The following CAST variants were observed in gnomAD, a reference collection of about 807,000 sequenced individuals.
The protein encoded by CAST is MIR583 host.
CAST carries 76 observed loss-of-function variants against 119.6 expected under a neutral mutation model. The observed-to-expected ratio is 0.64, with a 90% CI of 0.53 to 0.77. CAST has a LOEUF of 0.77. Ranked by LOEUF, CAST falls within the 30% of genes least tolerant of loss-of-function variation. The pLI is 0.00. For synonymous variants in CAST, 319 were observed against 331.6 expected (o/e 0.96, Z 0.41); for missense variants, 953 against 946.5 (o/e 1.01, Z -0.09).
At chr5:96,076,712 C>T in the CAST span, among the ~76,000 whole-genome samples, 1 of 152,058 alleles carries the variant, frequency 6.6e-6, no homozygotes, top group Non-Finnish European at 1.5e-5. Context: ...TGGAAACAAA[C>T]AAAAGGAAAG....
the CAST span, among the ~76,000 whole-genome samples, chr5:96,372,417 A>G: frequency 9.2e-5 from 14 of 152,132 alleles, no homozygotes; most frequent in Non-Finnish European, 5.9e-5. Context: ...GGATATCATC[A>G]TGGTGGTTGC....
chr5:96,611,747 A>G (rs950958152), intron 1 of CAST, among the ~76,000 whole-genome samples: 1 of 152,108 alleles, frequency 6.6e-6, no homozygotes, highest in Non-Finnish European at 1.5e-5. Context: ...CTTAACTTAA[A>G]TCAACAAGAA....
the CAST span, among the ~76,000 whole-genome samples, chr5:96,376,198 A>C: frequency 6.6e-6 from 1 of 151,602 alleles, no homozygotes; most frequent in Non-Finnish European, 1.5e-5. Flanking sequence ...GTCCCATAAA[A>C]TTAAAATGGA....
the CAST span, among the ~76,000 whole-genome samples, chr5:96,238,366 C>CTTCTTCTTCTTCATCTT: frequency 2.3e-3 from 54 of 23,226 alleles, no homozygotes; most frequent in African/African-American, 5.3e-3. Context: ...TTCTTCTTCT[C>CTTCTTCTTCTTCATCTT]CTTCTTCTCC....
chr5:96,680,993 A>G (rs528326979), intron 2 of CAST, among the ~76,000 whole-genome samples: 41 of 152,386 alleles, frequency 2.7e-4, no homozygotes, highest in African/African-American at 8.4e-4. Flanking sequence ...TCTAGCCCCA[A>G]GAGGCCAGCA....
chr5:96,741,249 T>C lies in CAST; in HGVS notation c.919-17T>C, dbSNP rs746005546. On this transcript the variant is annotated splice_polypyrimidine_tract_variant and intron_variant, in intron 13 of 31. Coordinates refer to ENST00000675179, the MANE Select transcript of CAST (RefSeq NM_001750.7). Reference sequence around the variant, plus strand: ...GTGCTTCCCGTAAGTTACCCATCACTGTGCCTGTTTCTTTAGAAACCCATA... The same window carrying C: ...GTGCTTCCCGTAAGTTACCCATCACCGTGCCTGTTTCTTTAGAAACCCATA... The C allele has an allele frequency of 8.1e-6, 12 of 1,476,060 alleles. No homozygotes were observed. The South Asian group carries it at 1.1e-4, about 14-fold the overall frequency. The allele number at this position is 1,476,060 out of a possible 1,614,324, so 91.4% of individuals were successfully genotyped here.
At chr5:96,301,173 A>T in the CAST span, among the ~76,000 whole-genome samples, 1 of 152,196 alleles carries the variant, frequency 6.6e-6, no homozygotes, top group Non-Finnish European at 1.5e-5. Flanking sequence ...TGTCTGGAAC[A>T]GGAGGAAGAA....
At chr5:96,437,397 G>A in the CAST span, among the ~76,000 whole-genome samples, 1 of 152,106 alleles carries the variant, frequency 6.6e-6, no homozygotes, top group African/African-American at 2.4e-5. Context: ...TCTTTAACAG[G>A]TTCTTTTAAA....
the CAST span, among the ~76,000 whole-genome samples, chr5:96,255,184 C>G: frequency 3.3e-5 from 5 of 152,046 alleles, no homozygotes; most frequent in East Asian, 5.8e-4. Flanking sequence ...AGGAGAAACT[C>G]CAGCCAGGGC....
At chr5:96,564,226 C>T (rs977307466) in intron 1 of CAST, among the ~76,000 whole-genome samples, 10 of 152,124 alleles carry the variant, frequency 6.6e-5, no homozygotes, top group African/African-American at 2.2e-4. Flanking sequence ...CTTTTATGCC[C>T]GACCAACTGT....
chr5:96,670,892 T>A (rs1266213257), intron 1 of CAST, among the ~76,000 whole-genome samples: 1 of 152,244 alleles, frequency 6.6e-6, no homozygotes, highest in African/African-American at 2.4e-5. Flanking sequence ...GGTGCCCAAA[T>A]GTGGCAGAGT....
chr5:96,097,653 G>A, the CAST span, among the ~76,000 whole-genome samples: 1 of 152,028 alleles, frequency 6.6e-6, no homozygotes, highest in African/African-American at 2.4e-5. Context: ...CCTGCACAGG[G>A]CATCATCTCA....
At chr5:96,512,196 A>G in the CAST span, among the ~76,000 whole-genome samples, 6 of 152,234 alleles carry the variant, frequency 3.9e-5, no homozygotes, top group African/African-American at 1.4e-4. Context: ...GAAATTGCAC[A>G]TGTATTAGTA....
the CAST span, among the ~76,000 whole-genome samples, chr5:96,144,419 A>G: frequency 6.6e-6 from 1 of 152,060 alleles, no homozygotes; most frequent in Non-Finnish European, 1.5e-5. Context: ...CTCTTCCCAG[A>G]CCTGACTTGC....
At chr5:96,138,053 T>A in the CAST span, among the ~76,000 whole-genome samples, 4 of 152,192 alleles carry the variant, frequency 2.6e-5, no homozygotes, top group East Asian at 7.7e-4. Flanking sequence ...ATAAATGAAG[T>A]TCATCATTAA....
chr5:96,493,312 T>C, the CAST span, among the ~76,000 whole-genome samples: 1 of 152,248 alleles, frequency 6.6e-6, no homozygotes, highest in Non-Finnish European at 1.5e-5. Flanking sequence ...TTCATTTTTT[T>C]CTCCTCTTCA....
the CAST span, among the ~76,000 whole-genome samples, chr5:96,171,451 CA>C: frequency 2.6e-5 from 4 of 152,054 alleles, no homozygotes; most frequent in African/African-American, 9.7e-5. Context: ...GGGTGGGGAG[CA>C]GCCAAAGCAG....
chr5:96,206,106 A>G, the CAST span, among the ~76,000 whole-genome samples: 1 of 151,848 alleles, frequency 6.6e-6, no homozygotes, highest in Admixed American at 6.6e-5. Context: ...GTGGCTGTGT[A>G]TATATCTTCT....
chr5:96,308,401 T>C, the CAST span, among the ~76,000 whole-genome samples: 7 of 152,096 alleles, frequency 4.6e-5, no homozygotes, highest in Admixed American at 3.3e-4. Flanking sequence ...GGTTAGAACA[T>C]GCTCCTTTAG....
Sources: allele counts gnomAD v4.1 joint callset (sites outside exome capture counted in the v4.1 genomes callset), GRCh38; gene constraint gnomAD v4.1.1; transcripts MANE v1.5; gene names NCBI Gene and HGNC (gene_info 2026-07-23, HGNC 2026-07-21).